The following LATS1 variants were observed in gnomAD, a reference collection of about 807,000 sequenced individuals.
LATS1 encodes the protein serine/threonine-protein kinase LATS1.
A neutral mutation model predicts 106.6 loss-of-function variants in LATS1; 25 were observed. The ratio of observed to expected loss-of-function variants is 0.23; its 90% CI spans 0.17 to 0.33. LATS1 has a LOEUF of 0.33. Among genes scored for constraint, LATS1 ranks in the 10% least tolerant of loss-of-function variants. LATS1 has a pLI of 1.00. For synonymous variants in LATS1, 465 were observed against 455.6 expected (o/e 1.02, Z -0.26); for missense variants, 1,040 against 1,382.6 (o/e 0.75, Z 3.93).
chr6:149,705,816 A>G (rs1426165601), intron 1 of LATS1, among the ~76,000 whole-genome samples: 1 of 152,048 alleles, frequency 6.6e-6, no homozygotes, highest in Non-Finnish European at 1.5e-5. Flanking sequence ...CAGTAGGAAA[A>G]AGTAGAAGTC....
intron 1 of LATS1, among the ~76,000 whole-genome samples, chr6:149,708,123 C>T (rs1205456331): frequency 6.6e-6 from 1 of 152,108 alleles, no homozygotes; most frequent in African/African-American, 2.4e-5. Flanking sequence ...TTTAAAGAAA[C>T]TATTATTTCC....
At chr6:149,662,966 CAAAAAAA>C (rs61479102) in intron 7 of LATS1, among the ~76,000 whole-genome samples, 9 of 96,270 alleles carry the variant, frequency 9.3e-5, no homozygotes, top group Admixed American at 3.0e-4. Flanking sequence ...ACACTGTCTC[CAAAAAAA>C]AAAAAAAAAA....
chr6:149,710,509 T>A (rs927879096), intron 1 of LATS1, among the ~76,000 whole-genome samples: 2 of 152,176 alleles, frequency 1.3e-5, no homozygotes, highest in African/African-American at 4.8e-5. Context: ...CCATTGTCCA[T>A]CTGTATATTC....
intron 1 of LATS1, among the ~76,000 whole-genome samples, chr6:149,715,070 T>C (rs1784310675): frequency 6.6e-6 from 1 of 152,040 alleles, no homozygotes; most frequent in Admixed American, 6.6e-5. Context: ...TTATTATTTC[T>C]TTATTTCTTT....
In LATS1 at chr6:149,659,550, G is replaced by T. The variant is rs924515143; in HGVS notation, c.*2179C>A. 1 of 230,646 alleles carries T rather than the reference G, an allele frequency of 4.3e-6. No homozygotes were observed. Among genetic ancestry groups the T allele is most frequent in the Admixed American group, 5.7e-5 (1 of 17,694 alleles). The allele number at this position is 230,646 out of a possible 1,614,324, so 14.3% of individuals were successfully genotyped here. Reference sequence around the variant, plus strand: ...ACAGATTTTGTGGGAAGGGAAGGGGGAGGAGACAGCACCTTAGTTTTCCTA... The same window carrying T: ...ACAGATTTTGTGGGAAGGGAAGGGGTAGGAGACAGCACCTTAGTTTTCCTA... On this transcript the variant is annotated 3_prime_UTR_variant, in exon 8 of 8. Coordinates refer to ENST00000543571, the MANE Select transcript of LATS1 (RefSeq NM_004690.4).
At chr6:149,703,604 C>A (rs1397212825) in intron 1 of LATS1, among the ~76,000 whole-genome samples, 1 of 151,988 alleles carries the variant, frequency 6.6e-6, no homozygotes, top group Non-Finnish European at 1.5e-5. Context: ...GTGGCTCAGG[C>A]CTATAATCAC....
At chr6:149,672,161 G>A (rs1781474841) in intron 7 of LATS1, among the ~76,000 whole-genome samples, 1 of 151,034 alleles carries the variant, frequency 6.6e-6, no homozygotes, top group African/African-American at 2.4e-5. Flanking sequence ...CAAAGTGCTG[G>A]GATTACAGGC....
rs749182673 is a variant in LATS1 at position 149,683,420 on chromosome 6, G to T, written c.1669C>A (p.Pro557Thr). 20 of 1,614,066 alleles carry T rather than the reference G, an allele frequency of 1.2e-5. No individual in the cohort carries two copies. The South Asian group carries it at 2.0e-4, about 16-fold the overall frequency. ...AEAPNYQGPPPPYPKHLLHQN... is the reference protein window; with the variant it reads ...AEAPNYQGPPTPYPKHLLHQN... ...TGCAGCAGATGTTTTGGGTAGGGTG[G>T]TGGTGGTCCTTGATAGTTTGGAGCT... The change falls in exon 4 of 8, where the codon CCA becomes ACA. Residue 557 changes from proline to threonine, a missense_variant. Coordinates refer to ENST00000543571, the MANE Select transcript of LATS1 (RefSeq NM_004690.4).
At chr6:149,673,198 G>A (rs2114744391) in intron 7 of LATS1, among the ~76,000 whole-genome samples, 1 of 150,130 alleles carries the variant, frequency 6.7e-6, no homozygotes, top group South Asian at 2.1e-4. Flanking sequence ...CCCAGGCTCA[G>A]GTGATCCTCC....
intron 1 of LATS1, among the ~76,000 whole-genome samples, chr6:149,705,151 T>A (rs763240916): frequency 6.6e-6 from 1 of 152,088 alleles, no homozygotes; most frequent in Non-Finnish European, 1.5e-5. Context: ...TATAACATAA[T>A]AATACATGAA....
At chr6:149,678,955 AAAAT>A (rs919295102) in intron 5 of LATS1, among the ~76,000 whole-genome samples, 19 of 152,190 alleles carry the variant, frequency 1.2e-4, no homozygotes, top group African/African-American at 4.6e-4. Context: ...AATAGTAGTG[AAAAT>A]AAATGTTACA....
intron 5 of LATS1, among the ~76,000 whole-genome samples, chr6:149,678,050 TCGCTCA>T (rs1781818019): frequency 1.5e-5 from 2 of 136,238 alleles, no homozygotes; most frequent in Non-Finnish European, 3.1e-5. Flanking sequence ...CTGGGCGTGG[TCGCTCA>T]CGCCTGTAAT....
chr6:149,710,515 T>C (rs566411281), intron 1 of LATS1, among the ~76,000 whole-genome samples: 1 of 152,294 alleles, frequency 6.6e-6, no homozygotes, highest in South Asian at 2.1e-4. Context: ...TCCATCTGTA[T>C]ATTCAGTGTT....
At chr6:149,715,334 G>T (rs1046414377) in intron 1 of LATS1, among the ~76,000 whole-genome samples, 1 of 152,156 alleles carries the variant, frequency 6.6e-6, no homozygotes, top group African/African-American at 2.4e-5. Context: ...CTCCCAAAGT[G>T]CTGGTTACAG....
At chr6:149,700,531 TC>T (rs1276498558) in intron 2 of LATS1, among the ~76,000 whole-genome samples, 1 of 152,046 alleles carries the variant, frequency 6.6e-6, no homozygotes, top group Non-Finnish European at 1.5e-5. Flanking sequence ...ATCTCCCTTT[TC>T]AAATCCTTTA....
At chr6:149,708,244 G>A (rs769791113) in intron 1 of LATS1, among the ~76,000 whole-genome samples, 16 of 151,626 alleles carry the variant, frequency 1.1e-4, no homozygotes, top group Non-Finnish European at 1.8e-4. Flanking sequence ...GTGAAACCCC[G>A]TCTCTACTAA....
chr6:149,670,918 T>C (rs1293572790), intron 7 of LATS1, among the ~76,000 whole-genome samples: 4 of 151,864 alleles, frequency 2.6e-5, no homozygotes, highest in Non-Finnish European at 4.4e-5. Flanking sequence ...AGAGGGAAAG[T>C]TCTTAGTTTT....
intron 2 of LATS1, among the ~76,000 whole-genome samples, chr6:149,697,924 T>C (rs1783193672): frequency 6.6e-6 from 1 of 152,080 alleles, no homozygotes; most frequent in African/African-American, 2.4e-5. Flanking sequence ...TTAGTAAATA[T>C]ATAAAAGGTT....
chr6:149,683,841 A>C lies in LATS1; in HGVS notation c.1248T>G (p.Ser416Arg), dbSNP rs1166901077. ...TAATGTTATATAGTTCCATGTTATG[A>C]CTATTTCTGTTTGGCACCATCATAG... ...PQSMMVPNRN[S>R]HNMELYNISV... is the part of the protein sequence containing the mutation. The change falls in exon 4 of 8, where the codon AGT becomes AGG. Residue 416 changes from serine (S) to arginine (R), a missense_variant. Transcript: ENST00000543571. 6.2e-7 allele frequency: 1 copy of C among 1,613,958 alleles called. No homozygotes were observed. Among genetic ancestry groups the C allele is most frequent in the Non-Finnish European group, 8.5e-7 (1 of 1,180,038 alleles).
Sources: allele counts gnomAD v4.1 joint callset (sites outside exome capture counted in the v4.1 genomes callset), GRCh38; gene constraint gnomAD v4.1.1; transcripts MANE v1.5; gene names NCBI Gene and HGNC (gene_info 2026-07-23, HGNC 2026-07-21).